The following RWDD2B variants were observed in gnomAD, a reference collection of about 807,000 sequenced individuals.
RWDD2B encodes RWD domain containing 2B.
In RWDD2B, 36 loss-of-function variants were observed where a neutral mutation model predicts 33.6. The observed-to-expected ratio is 1.07, with a 90% CI of 0.82 to 1.42. RWDD2B has a LOEUF of 1.42. Among genes scored for constraint, RWDD2B ranks in the 40% most tolerant of loss-of-function variants. The probability of loss-of-function intolerance (pLI) is 0.00; values close to 1 mark genes in which losing one functional copy is unlikely to be tolerated. For missense variants in RWDD2B, 364 were observed against 377.5 expected (o/e 0.96, Z 0.30); for synonymous variants, 126 against 133.1 (o/e 0.95, Z 0.37).
rs1435925083 is a variant in RWDD2B, at chr21:29,010,634, C to CAAA, written c.68-2016_68-2014dup. 4.7e-3 allele frequency among the ~76,000 whole-genome samples: 594 copies of CAAA among 127,212 alleles called. 1 individual carries two copies. Among genetic ancestry groups the CAAA allele is most frequent in the African/African-American group, 0.017 (551 of 31,982 alleles). The allele number at this position is 127,212 out of a possible 152,430, so 83.5% of individuals were successfully genotyped here. A position where few individuals can be genotyped will look rare whatever the true frequency, so the allele number is the denominator to read the frequency against. On this transcript the variant is annotated intron_variant, in intron 1 of 4. Coordinates refer to ENST00000493196, the MANE Select transcript of RWDD2B (RefSeq NM_016940.3). ...AAAAATAAAAATAAAAAAAAAAAAC[C>CAAA]AAAAAAAACCCTCTCCCTCTCCCTC...
Position 29,008,381 on chromosome 21 carries a change from C to T in RWDD2B, c.294+14G>A. ...CAACATGTTTCAATCCCTCTAAAAG[C>T]AAAACTGAATTACCATTTTTTCGTC... On this transcript the variant is annotated intron_variant, in intron 2 of 4. Coordinates refer to ENST00000493196, the MANE Select transcript of RWDD2B (RefSeq NM_016940.3). 3 of 1,613,526 alleles carry T rather than the reference C, an allele frequency of 1.9e-6. No individual in the cohort carries two copies. Among genetic ancestry groups the T allele is most frequent in the Non-Finnish European group, 2.5e-6 (3 of 1,179,540 alleles).
At chr21:29,017,074 C>T (rs1307782776) in intron 1 of RWDD2B, among the ~76,000 whole-genome samples, 2 of 151,662 alleles carry the variant, frequency 1.3e-5, no homozygotes, top group Non-Finnish European at 2.9e-5. Flanking sequence ...GGTTTCACCA[C>T]GTTGGCCAGG....
intron 1 of RWDD2B, 140 bp from the exon 2 acceptor site, chr21:29,008,761 T>C (rs2084842673): frequency 4.7e-6 from 3 of 631,602 alleles, no homozygotes; most frequent in Non-Finnish European, 8.2e-6. Flanking sequence ...CCTATTACTC[T>C]ACTTTCAGAT....
At chr21:29,016,967 C>CTT (rs34630060) in intron 1 of RWDD2B, among the ~76,000 whole-genome samples, 9 of 150,808 alleles carry the variant, frequency 6.0e-5, no homozygotes, top group South Asian at 2.1e-4. Context: ...TTAAAAAAAC[C>CTT]TTTTTTTTTG....
intron 1 of RWDD2B, among the ~76,000 whole-genome samples, chr21:29,014,384 T>G (rs1298512940): frequency 1.3e-5 from 2 of 152,252 alleles, no homozygotes; most frequent in African/African-American, 4.8e-5. Flanking sequence ...TTACATTTTT[T>G]GTTATATCCC....
In RWDD2B at chr21:29,006,546, A is replaced by G. The variant is rs1015568259; in HGVS notation, c.831T>C (p.Phe277=). ...CATTAACACTGAACACTTTTTCTTC[A>G]AAAATGGAAAATTTCCTTTGTCTTT... is the stretch of plus-strand genomic sequence containing the variant. The part of the protein sequence containing the change: ...ETERQRKFSI[F]EEKVFSVNGA... Residue 277 remains phenylalanine (F), a synonymous_variant, in exon 5 of 5, where the codon TTT becomes TTC. Coordinates refer to ENST00000493196, the MANE Select transcript of RWDD2B (RefSeq NM_016940.3). 2 of 1,613,994 alleles carry G rather than the reference A, an allele frequency of 1.2e-6. No individual in the cohort carries two copies. Among genetic ancestry groups the G allele is most frequent in the Non-Finnish European group, 1.7e-6 (2 of 1,179,888 alleles).
At chr21:29,013,529 AAC>A (rs1364857818) in intron 1 of RWDD2B, among the ~76,000 whole-genome samples, 2 of 151,932 alleles carry the variant, frequency 1.3e-5, no homozygotes, top group African/African-American at 4.8e-5. Flanking sequence ...CTCTACTAAA[AAC>A]ACAAAAAATT....
intron 1 of RWDD2B, among the ~76,000 whole-genome samples, chr21:29,011,280 C>T (rs1408026839): frequency 6.7e-6 from 1 of 149,746 alleles, no homozygotes; most frequent in Non-Finnish European, 1.5e-5. Flanking sequence ...TCTGCCCGGC[C>T]GCCCATCGTC....
At chr21:29,011,593 G>A (rs1311062596) in intron 1 of RWDD2B, among the ~76,000 whole-genome samples, 1 of 143,890 alleles carries the variant, frequency 6.9e-6, no homozygotes, top group Non-Finnish European at 1.5e-5. Flanking sequence ...GAGGTGGGGG[G>A]GGTCAGCCCC....
intron 1 of RWDD2B, among the ~76,000 whole-genome samples, chr21:29,010,629 A>C (rs1390065336): frequency 1.4e-5 from 2 of 141,556 alleles, no homozygotes; most frequent in Non-Finnish European, 3.0e-5. Flanking sequence ...ATAAAAAAAA[A>C]AAACCAAAAA....
rs199862196 is a variant in RWDD2B at position 29,007,753 on chromosome 21, A to C, written c.725+8T>G. The C allele has an allele frequency of 3.1e-6, 5 of 1,609,014 alleles. No homozygotes were observed. In the African/African-American group the frequency reaches 6.7e-5, roughly 21 times the overall value. On this transcript the variant is annotated splice_region_variant and intron_variant, in intron 4 of 4. Coordinates refer to ENST00000493196, the MANE Select transcript of RWDD2B (RefSeq NM_016940.3). The stretch of plus-strand genomic sequence containing the variant: ...GACATGACTTCATATACATATGTAA[A>C]AGCAAACCTTGACCAGAATTCTTCA...
At chr21:29,006,703 T>C (rs370919606) in intron 4 of RWDD2B, 52 bp from the exon 5 acceptor site, 2 of 1,053,470 alleles carry the variant, frequency 1.9e-6, no homozygotes, top group East Asian at 2.5e-5. Flanking sequence ...TTCTAGAGCA[T>C]TTAAAACAGA....
rs2084838084 is a variant in RWDD2B, at chr21:29,008,068, A to T, written c.418T>A (p.Phe140Ile). 6.2e-7 allele frequency: 1 copy of T among 1,614,120 alleles called. No individual in the cohort carries two copies. The highest frequency in any genetic ancestry group is 1.1e-5 in the South Asian group (1 of 91,096). ...QTQLNTDLTA[F>I]LQKHCHGDVC... ...TCTCCATGACAATGTTTTTGCAGGA[A>T]TGCAGTCAGATCTGTGTTCAGCTGA... The change falls in exon 4 of 5, where the codon TTC (phenylalanine) becomes ATC (isoleucine). Residue 140 changes from phenylalanine (F) to isoleucine (I), a missense_variant. By Grantham distance (21) the Phe-to-Ile change is conservative. Coordinates refer to ENST00000493196, the MANE Select transcript of RWDD2B (RefSeq NM_016940.3).
chr21:29,012,519 TG>T (rs1335541099), intron 1 of RWDD2B, among the ~76,000 whole-genome samples: 1 of 151,914 alleles, frequency 6.6e-6, no homozygotes, highest in Non-Finnish European at 1.5e-5. Context: ...CACTCAGGGT[TG>T]AATGGATTAA....
chr21:29,011,728 C>T (rs2084862022), intron 1 of RWDD2B, among the ~76,000 whole-genome samples: 1 of 132,544 alleles, frequency 7.5e-6, no homozygotes. Context: ...GTGAGGAGCC[C>T]CTCTGCCCGG....
chr21:29,011,238 GC>G (rs1411808881), intron 1 of RWDD2B, among the ~76,000 whole-genome samples: 3 of 151,524 alleles, frequency 2.0e-5, no homozygotes, highest in Admixed American at 6.6e-5. Flanking sequence ...CCTCTTCCCA[GC>G]CGCCATCCCA....
intron 1 of RWDD2B, among the ~76,000 whole-genome samples, chr21:29,015,680 CCA>C (rs1209413113): frequency 1.3e-5 from 2 of 151,944 alleles, no homozygotes; most frequent in African/African-American, 4.8e-5. Flanking sequence ...CAGGTGTTCG[CCA>C]CCACGCCCAG....
intron 1 of RWDD2B, among the ~76,000 whole-genome samples, chr21:29,012,131 C>A (rs1180621205): frequency 1.4e-5 from 2 of 141,444 alleles, no homozygotes; most frequent in African/African-American, 5.3e-5. Context: ...GGGTCAGCCC[C>A]CCGCCCGGCC....
chr21:29,007,060 T>A (rs978293945), intron 4 of RWDD2B, among the ~76,000 whole-genome samples: 2 of 152,260 alleles, frequency 1.3e-5, no homozygotes, highest in African/African-American at 4.8e-5. Context: ...CCCAAACTAC[T>A]ATGGACCTTC....
Sources: allele counts gnomAD v4.1 joint callset (sites outside exome capture counted in the v4.1 genomes callset), GRCh38; gene constraint gnomAD v4.1.1; transcripts MANE v1.5; gene names NCBI Gene and HGNC (gene_info 2026-07-23, HGNC 2026-07-21).